SYN3: variants seen among roughly 807,000 people sequenced by gnomAD.
The protein encoded by SYN3 is synapsin III.
A neutral mutation model predicts 65.8 loss-of-function variants in SYN3; 35 were observed. The observed-to-expected ratio is 0.53, with a 90% CI of 0.41 to 0.70. The LOEUF (loss-of-function observed/expected upper bound fraction) is 0.70. Among genes scored for constraint, SYN3 ranks in the 30% least tolerant of loss-of-function variants. SYN3 has a pLI of 0.00. For synonymous variants in SYN3, 270 were observed against 292.9 expected (o/e 0.92, Z 0.80); for missense variants, 680 against 749.0 (o/e 0.91, Z 1.08).
chr22:32,895,778 C>T (rs1185489824), intron 4 of SYN3, among the ~76,000 whole-genome samples: 4 of 152,122 alleles, frequency 2.6e-5, no homozygotes, highest in Non-Finnish European at 4.4e-5. Context: ...CTTAGATGCA[C>T]GGCTCTGAGT....
chr22:32,574,890 T>C (rs1392256736), intron 7 of SYN3, among the ~76,000 whole-genome samples: 4 of 152,258 alleles, frequency 2.6e-5, no homozygotes, highest in Non-Finnish European at 5.9e-5. Context: ...TAGTTTTCTA[T>C]ACCCTCCAAA....
chr22:32,787,525 G>A (rs1215585947), intron 6 of SYN3, among the ~76,000 whole-genome samples: 1 of 152,146 alleles, frequency 6.6e-6, no homozygotes, highest in Non-Finnish European at 1.5e-5. Context: ...GGATGATGAT[G>A]TCTACCTCAC....
intron 6 of SYN3, among the ~76,000 whole-genome samples, chr22:32,673,588 G>A (rs1229155668): frequency 6.6e-6 from 1 of 152,252 alleles, no homozygotes; most frequent in Non-Finnish European, 1.5e-5. Context: ...GGAGTTCCCA[G>A]GAGGGTACCC....
intron 4 of SYN3, among the ~76,000 whole-genome samples, chr22:32,891,209 C>A (rs565005129): frequency 6.6e-6 from 1 of 152,150 alleles, no homozygotes; most frequent in Non-Finnish European, 1.5e-5. Context: ...TGAATTGACA[C>A]GTTGGCCATC....
rs368953385 is a variant in SYN3 at position 32,889,009 on chromosome 22, G to A, written c.462-19884C>T. ...TCTCATCACTGGGCCTCAAAGTAGG[G>A]TGAGTGCTGAGGAGCCCAACTTTGC... On this transcript the variant is annotated intron_variant, in intron 4 of 13. Coordinates refer to ENST00000358763, the MANE Select transcript of SYN3 (RefSeq NM_003490.4). 7.9e-5 allele frequency among the ~76,000 whole-genome samples: 12 copies of A among 152,324 alleles called. No homozygotes were observed. The East Asian group carries it at 1.9e-3, about 25-fold the overall frequency.
chr22:32,560,581 C>T (rs1485233779), intron 7 of SYN3, among the ~76,000 whole-genome samples: 2 of 152,086 alleles, frequency 1.3e-5, no homozygotes, highest in African/African-American at 2.4e-5. Flanking sequence ...GACGTGTGTG[C>T]TTGGAGAAGA....
chr22:32,959,125 A>G (rs909353365), intron 3 of SYN3, among the ~76,000 whole-genome samples: 1 of 152,102 alleles, frequency 6.6e-6, no homozygotes, highest in Non-Finnish European at 1.5e-5. Flanking sequence ...CCAGTGGGAG[A>G]TAATTGAATC....
intron 1 of SYN3, among the ~76,000 whole-genome samples, chr22:33,017,279 A>G (rs1285602332): frequency 2.6e-5 from 4 of 152,090 alleles, no homozygotes; most frequent in Admixed American, 6.6e-5. Context: ...ATTTGTCAGT[A>G]CCATGTTTTG....
chr22:32,826,627 A>G (rs1205061895), intron 6 of SYN3, among the ~76,000 whole-genome samples: 1 of 152,162 alleles, frequency 6.6e-6, no homozygotes, highest in Non-Finnish European at 1.5e-5. Context: ...AAAAAACTAG[A>G]TATTCACTAT....
intron 4 of SYN3, among the ~76,000 whole-genome samples, chr22:32,907,380 C>T (rs1444312436): frequency 1.3e-5 from 2 of 152,170 alleles, no homozygotes; most frequent in Admixed American, 6.5e-5. Flanking sequence ...TAAACCCCTA[C>T]AGCATGCAAA....
chr22:32,773,153 T>G (rs779341657), intron 6 of SYN3, among the ~76,000 whole-genome samples: 4 of 152,062 alleles, frequency 2.6e-5, no homozygotes, highest in Non-Finnish European at 5.9e-5. Flanking sequence ...TCATGGGTAA[T>G]CCTAGCACTT....
chr22:32,742,899 T>A (rs970901247), intron 6 of SYN3, among the ~76,000 whole-genome samples: 1 of 152,250 alleles, frequency 6.6e-6, no homozygotes, highest in African/African-American at 2.4e-5. Flanking sequence ...GGAACTGTTC[T>A]AAGCCTTTTA....
At position 32,527,970 on chromosome 22, in the gene SYN3, T is replaced by C; in HGVS notation, c.1266A>G (p.Gln422=). The stretch of plus-strand genomic sequence containing the variant: ...GGCCTAGCTGAGGCCCCAGCTGGGC[T>C]TGCCCTGGGGATTTCGCTGATTTAA... The part of the protein sequence containing the change: ...PQIKSAKSPG[Q]AQLGPQLGQP... The change falls in exon 12 of 14, where the codon CAA becomes CAG. Residue 422 remains glutamine (Q), a synonymous_variant. Coordinates refer to ENST00000358763, the MANE Select transcript of SYN3 (RefSeq NM_003490.4). 1.9e-6 allele frequency: 3 copies of C among 1,592,028 alleles called. No homozygotes were observed. The highest frequency in any genetic ancestry group is 2.6e-6 in the Non-Finnish European group (3 of 1,168,140).
At chr22:32,587,405 C>A (rs73154333) in intron 7 of SYN3, among the ~76,000 whole-genome samples, 4 of 151,970 alleles carry the variant, frequency 2.6e-5, no homozygotes, top group African/African-American at 7.3e-5. Context: ...ACTCCCTCCC[C>A]CTGAACACCT....
chr22:32,849,553 C>T, intron 6 of SYN3: 1 of 1,609,490 alleles, frequency 6.2e-7, no homozygotes, highest in Non-Finnish European at 8.5e-7. Context: ...TGTCATCACC[C>T]TGGCTCCGGG....
At chr22:32,610,745 G>A (rs1041719370) in intron 6 of SYN3, among the ~76,000 whole-genome samples, 3 of 152,164 alleles carry the variant, frequency 2.0e-5, no homozygotes, top group Non-Finnish European at 2.9e-5. Flanking sequence ...ACCACGCCTG[G>A]CTAATTTTGT....
chr22:32,663,007 A>G (rs949274595), intron 6 of SYN3, among the ~76,000 whole-genome samples: 2 of 152,230 alleles, frequency 1.3e-5, no homozygotes, highest in East Asian at 3.9e-4. Flanking sequence ...ATGACACAGA[A>G]AAAAAGAAAA....
chr22:32,621,805 G>C (rs1041986721), intron 6 of SYN3, among the ~76,000 whole-genome samples: 2 of 152,158 alleles, frequency 1.3e-5, no homozygotes, highest in Non-Finnish European at 2.9e-5. Flanking sequence ...CCATTTCACA[G>C]AGGGGAAAAC....
Position 32,513,755 on chromosome 22 carries a change from G to A in SYN3, c.1680C>T (p.Asp560=), listed in dbSNP as rs746625031. ...DTSQRGTPSE[D]EAKAETIRNL... is the part of the protein sequence containing the mutation. ...TGCGGATGGTTTCAGCCTTGGCCTC[G>A]TCTTCACTTGGGGTCCCACGCTGGG... Residue 560 remains aspartate, a synonymous_variant, in exon 14 of 14, where the codon GAC becomes GAT. Transcript: ENST00000358763. The A allele has an allele frequency of 1.7e-5, 28 of 1,614,048 alleles. No individual in the cohort carries two copies. Among genetic ancestry groups the A allele is most frequent in the African/African-American group, 4.0e-5 (3 of 74,920 alleles).
Sources: allele counts gnomAD v4.1 joint callset (sites outside exome capture counted in the v4.1 genomes callset), GRCh38; gene constraint gnomAD v4.1.1; transcripts MANE v1.5; gene names NCBI Gene and HGNC (gene_info 2026-07-23, HGNC 2026-07-21).